Variants in USP30 observed in about 807,000 individuals in gnomAD.
The protein encoded by USP30 is ubiquitin specific peptidase 30, also known as ubiquitin carboxyl-terminal hydrolase 30.
Under a neutral mutation model 68.2 loss-of-function variants are expected in USP30, and 41 were observed. That is an observed-to-expected ratio of 0.60 (90% confidence interval 0.47 to 0.78). The LOEUF is 0.78. Among genes scored for constraint, USP30 ranks in the 30% least tolerant of loss-of-function variants. USP30 has a pLI of 0.00. For missense variants in USP30, 522 were observed against 649.4 expected, an observed-to-expected ratio of 0.80 and a Z score of 2.13; for synonymous variants, 229 against 253.7, an observed-to-expected ratio of 0.90 and a Z score of 0.93.
intron 1 of USP30, chr12:109,023,253 C>T (rs375973071): frequency 3.3e-5 from 5 of 152,328 alleles, no homozygotes; most frequent in African/African-American, 1.2e-4. Context: ...TATGCTCACT[C>T]TAAACAGCCC....
intron 3 of USP30, among the ~76,000 whole-genome samples, chr12:109,028,241 G>A (rs2040458146): frequency 6.6e-6 from 1 of 152,134 alleles, no homozygotes; most frequent in Non-Finnish European, 1.5e-5. Flanking sequence ...TTGAGTTGCA[G>A]GAATATTCTA....
upstream of USP30, among the ~76,000 whole-genome samples, chr12:109,051,140 T>A (rs1272151226): frequency 6.6e-6 from 1 of 152,028 alleles, no homozygotes; most frequent in Non-Finnish European, 1.5e-5. Flanking sequence ...TCCTCTCACC[T>A]GGCCTCCCAA....
chr12:109,031,415 A>G (rs1204724703), intron 3 of USP30, among the ~76,000 whole-genome samples: 4 of 152,226 alleles, frequency 2.6e-5, no homozygotes, highest in Non-Finnish European at 5.9e-5. Context: ...GAGGTATAGC[A>G]CTTTTAAAAT....
chr12:109,044,563 G>A (rs1292873221), intron 3 of USP30, among the ~76,000 whole-genome samples: 1 of 152,076 alleles, frequency 6.6e-6, no homozygotes. Flanking sequence ...TCTGAGCTCT[G>A]GAGTTCAAGG....
intron 4 of USP30, among the ~76,000 whole-genome samples, chr12:109,069,199 C>T (rs2041352225): frequency 6.6e-6 from 1 of 152,214 alleles, no homozygotes; most frequent in Non-Finnish European, 1.5e-5. Flanking sequence ...GCAGTGCTGT[C>T]CCTTTCCTTA....
intron 3 of USP30, among the ~76,000 whole-genome samples, chr12:109,066,111 G>A (rs1193254634): frequency 6.6e-6 from 1 of 152,026 alleles, no homozygotes; most frequent in Non-Finnish European, 1.5e-5. Flanking sequence ...AATTAGCTGA[G>A]CACAAGGACA....
At chr12:109,073,343 A>G in intron 6 of USP30, 95 bp from the exon 7 acceptor site, 1 of 813,168 alleles carries the variant, frequency 1.2e-6, no homozygotes, top group Non-Finnish European at 2.1e-6. Context: ...TTTTCTTAAG[A>G]GGTAGTTTCT....
intron 3 of USP30, among the ~76,000 whole-genome samples, chr12:109,031,839 C>T (rs1052378907): frequency 3.1e-4 from 47 of 152,254 alleles, no homozygotes; most frequent in African/African-American, 9.6e-5. Flanking sequence ...TGTGATTACT[C>T]GGGCTTGTAA....
intron 3 of USP30, among the ~76,000 whole-genome samples, chr12:109,063,857 G>A (rs1292832669): frequency 6.7e-6 from 1 of 149,376 alleles, no homozygotes; most frequent in Non-Finnish European, 1.5e-5. Context: ...CAAGTCCTTT[G>A]CCCATTTTTG....
In USP30 at chr12:109,041,024, T is replaced by A. The variant is rs545843927; in HGVS notation, c.-135-6566T>A. Among the ~76,000 whole-genome samples the A allele has an allele frequency of 5.3e-5, 8 of 152,304 alleles. No homozygotes were observed. The East Asian group carries it at 1.5e-3, about 29-fold the overall frequency. On this transcript the variant is annotated intron_variant, in intron 3 of 15. Transcript: ENST00000392784. The stretch of plus-strand genomic sequence containing the variant: ...AGATTCTCTACCAGGAAATGGGGTG[T>A]CTGGTTCCAGTTCTGCCCTCATTTA...
At chr12:109,080,759 T>G (rs2041773366) in intron 7 of USP30, among the ~76,000 whole-genome samples, 1 of 152,212 alleles carries the variant, frequency 6.6e-6, no homozygotes, top group South Asian at 2.1e-4. Flanking sequence ...ATTGGTACGG[T>G]ACCTTTTCTG....
intron 10 of USP30, 42 bp downstream of exon 10, chr12:109,082,785 C>A: frequency 6.2e-7 from 1 of 1,610,334 alleles, no homozygotes; most frequent in Non-Finnish European, 8.5e-7. Flanking sequence ...GTTTTGAGGA[C>A]TCCGTGTATC....
chr12:109,060,846 G>A (rs150794169), intron 3 of USP30, among the ~76,000 whole-genome samples: 5 of 152,178 alleles, frequency 3.3e-5, no homozygotes, highest in African/African-American at 9.6e-5. Flanking sequence ...GTAGAGACAG[G>A]GTTTCACCAG....
intron 3 of USP30, among the ~76,000 whole-genome samples, chr12:109,045,309 T>C (rs1227482174): frequency 6.6e-6 from 1 of 152,190 alleles, no homozygotes; most frequent in Non-Finnish European, 1.5e-5. Context: ...AAGAGGTACT[T>C]ATGTTCCATT....
At chr12:109,033,561 C>T (rs1056743584) in intron 3 of USP30, among the ~76,000 whole-genome samples, 3 of 152,140 alleles carry the variant, frequency 2.0e-5, no homozygotes, top group Non-Finnish European at 4.4e-5. Context: ...GGCCTCTTGA[C>T]TCTGTTTCAG....
At chr12:109,048,739 C>CAAAAAAAAA (rs60197959), upstream of USP30, among the ~76,000 whole-genome samples, 1 of 86,992 alleles carries the variant, frequency 1.1e-5, no homozygotes, top group African/African-American at 4.0e-5. Flanking sequence ...GACTCTGTCT[C>CAAAAAAAAA]AAAAAAAAAA....
At chr12:109,075,458 C>A (rs556011396) in intron 7 of USP30, among the ~76,000 whole-genome samples, 3 of 152,234 alleles carry the variant, frequency 2.0e-5, no homozygotes, top group East Asian at 3.9e-4. Flanking sequence ...TCAAGCAATT[C>A]TCCCACCACA....
chr12:109,082,080 T>A, intron 9 of USP30, 61 bp downstream of exon 9: 1 of 1,539,266 alleles, frequency 6.5e-7, no homozygotes, highest in Non-Finnish European at 9.0e-7. Context: ...GTAGCGCCTC[T>A]CACACCAGTG....
intron 3 of USP30, among the ~76,000 whole-genome samples, chr12:109,029,080 T>C (rs1350341559): frequency 1.3e-5 from 2 of 152,228 alleles, no homozygotes; most frequent in Admixed American, 6.5e-5. Context: ...ATGTCAAGTT[T>C]CCTACCTTCT....
Sources: allele counts gnomAD v4.1 joint callset (sites outside exome capture counted in the v4.1 genomes callset), GRCh38; gene constraint gnomAD v4.1.1; transcripts MANE v1.5; gene names NCBI Gene and HGNC (gene_info 2026-07-23, HGNC 2026-07-21).